The following CACNA1A variants were observed in gnomAD, a reference collection of about 807,000 sequenced individuals.
The protein encoded by CACNA1A is calcium voltage-gated channel subunit alpha1 A.
A neutral mutation model predicts 262.4 loss-of-function variants in CACNA1A; 57 were observed. The observed-to-expected ratio is 0.22, with a 90% confidence interval of 0.18 to 0.27. CACNA1A has a LOEUF of 0.27. Among genes scored for constraint, CACNA1A ranks in the 10% least tolerant of loss-of-function variants. The probability of loss-of-function intolerance (pLI) is 1.00; values close to 1 mark genes in which losing one functional copy is unlikely to be tolerated. For synonymous variants in CACNA1A, 1,431 were observed against 1,419.3 expected, an observed-to-expected ratio of 1.01 and a Z score of -0.18; for missense variants, 2,526 against 3,562.8, an observed-to-expected ratio of 0.71 and a Z score of 7.41.
chr19:13,259,447 C>T (rs2144757634), intron 27 of CACNA1A, 117 bp downstream of exon 27: 1 of 826,540 alleles, frequency 1.2e-6, no homozygotes, highest in South Asian at 1.8e-5. Flanking sequence ...GTTGGGATTA[C>T]AGGCGTGAGC....
chr19:13,246,718 C>T (rs796217962), intron 30 of CACNA1A, among the ~76,000 whole-genome samples: 61 of 152,092 alleles, frequency 4.0e-4, no homozygotes, highest in African/African-American at 1.4e-3. Context: ...CTCTGCCTCC[C>T]GGGTTCACAC....
chr19:13,369,161 CCCT>C (rs2059273254), intron 4 of CACNA1A, among the ~76,000 whole-genome samples: 1 of 152,136 alleles, frequency 6.6e-6, no homozygotes, highest in Admixed American at 6.5e-5. Context: ...GGTGTACCCG[CCCT>C]CCAGCTGCTA....
chr19:13,480,006 G>T (rs1979074064), intron 1 of CACNA1A, among the ~76,000 whole-genome samples: 1 of 152,218 alleles, frequency 6.6e-6, no homozygotes, highest in Non-Finnish European at 1.5e-5. Flanking sequence ...GTCCCAAAGA[G>T]ACAGTATTTA....
intron 3 of CACNA1A, among the ~76,000 whole-genome samples, chr19:13,389,768 T>G (rs1229219194): frequency 6.6e-6 from 1 of 152,082 alleles, no homozygotes; most frequent in Non-Finnish European, 1.5e-5. Flanking sequence ...TTGCAGACAT[T>G]CCCTCAGGTA....
intron 37 of CACNA1A, chr19:13,225,543 T>C (rs1464892802): frequency 6.6e-6 from 1 of 152,094 alleles, no homozygotes; most frequent in Admixed American, 6.5e-5. Context: ...CTGTCCACCA[T>C]GCTTGGTGGC....
intron 3 of CACNA1A, among the ~76,000 whole-genome samples, chr19:13,374,643 A>G (rs2059375604): frequency 6.6e-6 from 1 of 152,210 alleles, no homozygotes; most frequent in Admixed American, 6.6e-5. Flanking sequence ...CTTAGAGATC[A>G]CTATTCTCTT....
chr19:13,251,672 G>C (rs1253990709), intron 30 of CACNA1A, among the ~76,000 whole-genome samples: 3 of 152,190 alleles, frequency 2.0e-5, no homozygotes, highest in African/African-American at 7.2e-5. Flanking sequence ...ATTAAGGGTT[G>C]ATAATACTAA....
intron 24 of CACNA1A, chr19:13,273,303 A>G (rs1021216892): frequency 2.0e-5 from 3 of 152,192 alleles, no homozygotes; most frequent in African/African-American, 7.2e-5. Flanking sequence ...TTTATTAGCT[A>G]AAAAAATCAT....
At chr19:13,378,454 G>A (rs750485176) in intron 3 of CACNA1A, among the ~76,000 whole-genome samples, 5 of 152,006 alleles carry the variant, frequency 3.3e-5, no homozygotes, top group East Asian at 3.9e-4. Context: ...GAAATCTTTC[G>A]TGAAAGGAAG....
intron 31 of CACNA1A, among the ~76,000 whole-genome samples, chr19:13,242,855 G>A (rs2056116688): frequency 6.6e-6 from 1 of 152,186 alleles, no homozygotes; most frequent in South Asian, 2.1e-4. Flanking sequence ...GATAGCGCAA[G>A]TTGTCCAAGA....
intron 1 of CACNA1A, among the ~76,000 whole-genome samples, chr19:13,461,066 G>T (rs1316559899): frequency 6.6e-6 from 1 of 152,110 alleles, no homozygotes; most frequent in Non-Finnish European, 1.5e-5. Flanking sequence ...AGGGCCTGGT[G>T]CGGTGGCTCA....
At chr19:13,325,530 C>T (rs1035073733) in intron 10 of CACNA1A, among the ~76,000 whole-genome samples, 3 of 152,142 alleles carry the variant, frequency 2.0e-5, no homozygotes, top group African/African-American at 7.2e-5. Context: ...CAACCTCCAT[C>T]TCCCAGGTTA....
intron 3 of CACNA1A, among the ~76,000 whole-genome samples, chr19:13,429,864 CA>C (rs2060473197): frequency 6.6e-6 from 1 of 150,400 alleles, no homozygotes; most frequent in Admixed American, 6.7e-5. Context: ...AAACCAGTCA[CA>C]AAAAGACAAA....
Position 13,214,655 on chromosome 19 carries a change from G to C in CACNA1A, c.5732-47C>G, listed in dbSNP as rs1383489577. 1 of 1,455,746 alleles carries C rather than the reference G, an allele frequency of 6.9e-7. No homozygotes were observed. The highest frequency in any genetic ancestry group is 1.4e-5 in the African/African-American group (1 of 71,670). 90.2% of individuals were successfully genotyped at this position (1,455,746 alleles called of 1,614,324 possible). On this transcript the variant is annotated intron_variant, in intron 38 of 46. Coordinates refer to ENST00000360228, the MANE Select transcript of CACNA1A (RefSeq NM_001127222.2). The surrounding 1 kb of genome is among the most constrained non-coding windows in gnomAD (Gnocchi z 4.1). The stretch of plus-strand genomic sequence containing the variant: ...ACCCTGACTGCCTGCCTGGGTGTCA[G>C]CTGGACTCTGGGTCAGCTGCAAAGC...
chr19:13,357,192 C>G (rs2059020819), intron 6 of CACNA1A, among the ~76,000 whole-genome samples: 2 of 152,186 alleles, frequency 1.3e-5, no homozygotes, highest in Non-Finnish European at 2.9e-5. Context: ...TGGGGAAATT[C>G]CTTAACCCAT....
At chr19:13,423,827 C>T (rs1406245921) in intron 3 of CACNA1A, among the ~76,000 whole-genome samples, 1 of 152,030 alleles carries the variant, frequency 6.6e-6, no homozygotes, top group Non-Finnish European at 1.5e-5. Context: ...GAGTTTTCTT[C>T]TAGAAAGTCC....
Position 13,285,134 on chromosome 19 carries a change from C to A in CACNA1A, c.3626G>T (p.Arg1209Leu), listed in dbSNP as rs374286965. The A allele has an allele frequency of 8.7e-6, 14 of 1,613,832 alleles. No individual in the cohort carries two copies. The highest frequency in any genetic ancestry group is 1.2e-5 in the Non-Finnish European group (14 of 1,179,876). The change falls in exon 21 of 47, where the codon CGT (arginine) becomes CTT (leucine). Residue 1209 changes from arginine (R) to leucine (L), a missense_variant. Around this residue, in one of 17 missense-constraint regions of CACNA1A, gnomAD observed 765 missense variants for 748.6 expected, o/e 1.02. Coordinates refer to ENST00000360228, the MANE Select transcript of CACNA1A (RefSeq NM_001127222.2). ...CATTGGCTTAGGGCCGTCTTCCCCACGGTCGTCTTCCTCCTCCTCCTTCTT... is the reference window on the plus strand; with the variant it reads ...CATTGGCTTAGGGCCGTCTTCCCCAAGGTCGTCTTCCTCCTCCTCCTTCTT... ...EEKKEEEEDD[R>L]GEDGPKPMPP...
At chr19:13,220,784 CCTGG>C (rs1359504220) in intron 38 of CACNA1A, among the ~76,000 whole-genome samples, 3 of 152,136 alleles carry the variant, frequency 2.0e-5, no homozygotes, top group African/African-American at 4.8e-5. Context: ...CATCACCACA[CCTGG>C]CTAATTTTAA....
intron 3 of CACNA1A, among the ~76,000 whole-genome samples, chr19:13,408,982 G>A (rs972377079): frequency 1.3e-5 from 2 of 152,164 alleles, no homozygotes; most frequent in Non-Finnish European, 2.9e-5. Context: ...TAGACATACC[G>A]ACTTCATGCT....
Sources: gnomAD v4.1 joint callset for allele counts (sites outside exome capture counted in the v4.1 genomes callset) on GRCh38, gnomAD v4.1.1 for gene constraint, gnomAD v4.1.1 regional missense constraint, Gnocchi (gnomAD v3.1) non-coding constraint, MANE v1.5 for transcripts, NCBI Gene and HGNC (gene_info 2026-07-23, HGNC 2026-07-21) for gene names.